MAP3K20: variants seen among roughly 807,000 people sequenced by gnomAD.
MAP3K20 encodes mitogen-activated protein kinase kinase kinase 20.
A neutral mutation model predicts 85.7 loss-of-function variants in MAP3K20; 40 were observed. The observed-to-expected ratio is 0.47, with a 90% CI of 0.36 to 0.61. The LOEUF (loss-of-function observed/expected upper bound fraction) is 0.61. Among genes scored for constraint, MAP3K20 ranks in the 20% least tolerant of loss-of-function variants. The pLI is 0.00. For missense variants in MAP3K20, 817 were observed against 961.7 expected (o/e 0.85, Z 1.99); for synonymous variants, 325 against 327.7 (o/e 0.99, Z 0.09).
chr2:173,123,785 T>TA (rs1481263940), intron 2 of MAP3K20, among the ~76,000 whole-genome samples: 2 of 152,124 alleles, frequency 1.3e-5, no homozygotes, highest in Non-Finnish European at 1.5e-5. Context: ...TACATTTTTT[T>TA]TTTTATTTCT....
chr2:173,201,031 A>G (rs565694334), intron 8 of MAP3K20, among the ~76,000 whole-genome samples: 1 of 152,342 alleles, frequency 6.6e-6, no homozygotes, highest in East Asian at 1.9e-4. Flanking sequence ...TATACTGTCA[A>G]GACCAGGCAA....
At chr2:173,182,791 A>G (rs542098908) in intron 3 of MAP3K20, 63 bp from the exon 4 acceptor site, 1 of 1,136,528 alleles carries the variant, frequency 8.8e-7, no homozygotes, top group African/African-American at 1.6e-5. Context: ...ATGAAAATAT[A>G]AAGTCTTATT....
chr2:173,087,771 A>G (rs1369105414), intron 1 of MAP3K20, among the ~76,000 whole-genome samples: 1 of 152,254 alleles, frequency 6.6e-6, no homozygotes, highest in Non-Finnish European at 1.5e-5. Context: ...CAACCAGGCT[A>G]CCAATCAAGA....
At chr2:173,228,479 T>C (rs570550053) in intron 11 of MAP3K20, among the ~76,000 whole-genome samples, 2 of 152,294 alleles carry the variant, frequency 1.3e-5, no homozygotes, top group South Asian at 4.1e-4. Flanking sequence ...GGTATACCCA[T>C]AGACATTGAA....
intron 2 of MAP3K20, among the ~76,000 whole-genome samples, chr2:173,162,395 T>A (rs7560960): frequency 0.93 from 141,407 of 152,112 alleles, 66,220 homozygotes; most frequent in Non-Finnish European, 0.98. Flanking sequence ...CCTACAATTG[T>A]TGAGGACCGG....
intron 11 of MAP3K20, chr2:173,222,781 G>C (rs897813873): frequency 1.0e-6 from 1 of 985,216 alleles, no homozygotes; most frequent in Non-Finnish European, 1.2e-6. Flanking sequence ...AATAATGTTG[G>C]TGTTTTAGAA....
chr2:173,200,607 T>A (rs1407840000), intron 8 of MAP3K20, among the ~76,000 whole-genome samples: 1 of 152,180 alleles, frequency 6.6e-6, no homozygotes, highest in Non-Finnish European at 1.5e-5. Context: ...TAATTATAGA[T>A]TCACAGGAGT....
chr2:173,256,339 AAC>A lies in MAP3K20; in HGVS notation c.1360-2356_1360-2355del, dbSNP rs368128766. 9.7e-4 allele frequency among the ~76,000 whole-genome samples: 147 copies of A among 152,310 alleles called. 1 individual carries two copies. The highest frequency in any genetic ancestry group is 3.3e-3 in the African/African-American group (137 of 41,584). ...CCTCAGGATTCTTCATTCTTCAAAA[AAC>A]ACAGAGCCAGGAGCAGTGGCTCATG... On this transcript the variant is annotated intron_variant, in intron 16 of 19. Transcript: ENST00000375213.
At chr2:173,211,984 G>A (rs895880846) in intron 10 of MAP3K20, 1 of 152,192 alleles carries the variant, frequency 6.6e-6, no homozygotes, top group Non-Finnish European at 1.5e-5. Context: ...AAGAGAGGCA[G>A]ACAATCACGT....
intron 2 of MAP3K20, among the ~76,000 whole-genome samples, chr2:173,142,359 C>T (rs1398478232): frequency 3.3e-5 from 5 of 151,962 alleles, no homozygotes; most frequent in Admixed American, 3.3e-4. Flanking sequence ...GTAGTCCCAC[C>T]TACCCAAGAA....
chr2:173,182,014 G>C (rs2106264663), intron 3 of MAP3K20, among the ~76,000 whole-genome samples: 1 of 152,206 alleles, frequency 6.6e-6, no homozygotes, highest in East Asian at 1.9e-4. Context: ...CGAGATCAAG[G>C]CTGCAGTAAG....
chr2:173,199,066 G>T (rs1690946923), intron 8 of MAP3K20, among the ~76,000 whole-genome samples: 1 of 152,234 alleles, frequency 6.6e-6, no homozygotes, highest in South Asian at 2.1e-4. Context: ...TCCACAAAGG[G>T]TAAGACTGCA....
intron 2 of MAP3K20, among the ~76,000 whole-genome samples, chr2:173,143,658 A>G (rs1474801965): frequency 6.6e-6 from 1 of 152,228 alleles, no homozygotes; most frequent in Non-Finnish European, 1.5e-5. Flanking sequence ...ACTGTTCTGT[A>G]GAGATCCTGG....
intron 16 of MAP3K20, among the ~76,000 whole-genome samples, chr2:173,251,936 T>C (rs796391258): frequency 2.6e-5 from 4 of 152,336 alleles, no homozygotes; most frequent in African/African-American, 9.6e-5. Flanking sequence ...TGTTTAATGG[T>C]TTTATGTATA....
chr2:173,219,155 T>G (rs60007542), intron 11 of MAP3K20, among the ~76,000 whole-genome samples: 1 of 152,346 alleles, frequency 6.6e-6, no homozygotes, highest in Non-Finnish European at 1.5e-5. Context: ...TCTGTTTAGC[T>G]TTAACTGAGA....
intron 11 of MAP3K20, chr2:173,224,659 A>G (rs1684337442): frequency 1.0e-6 from 1 of 985,292 alleles, no homozygotes; most frequent in South Asian, 4.7e-5. Context: ...GTAGAACTGG[A>G]CTATTGATCA....
chr2:173,235,572 G>A (rs564188599), intron 14 of MAP3K20, among the ~76,000 whole-genome samples: 1 of 152,138 alleles, frequency 6.6e-6, no homozygotes. Flanking sequence ...CAGCTGCTAG[G>A]GGGAGGAGGC....
chr2:173,171,541 T>C (rs1431707551), intron 3 of MAP3K20, among the ~76,000 whole-genome samples: 1 of 152,222 alleles, frequency 6.6e-6, no homozygotes, highest in African/African-American at 2.4e-5. Flanking sequence ...TCCAAGAGTT[T>C]ACTCTCAGTA....
chr2:173,171,035 G>C (rs1689985492), intron 3 of MAP3K20, among the ~76,000 whole-genome samples: 2 of 152,124 alleles, frequency 1.3e-5, no homozygotes. Flanking sequence ...GTTATTAAGT[G>C]GAGGGACTTT....
Sources: allele counts gnomAD v4.1 joint callset (sites outside exome capture counted in the v4.1 genomes callset), GRCh38; gene constraint gnomAD v4.1.1; transcripts MANE v1.5; gene names NCBI Gene and HGNC (gene_info 2026-07-23, HGNC 2026-07-21).